The following PRDM10 variants were observed in gnomAD, a reference collection of about 807,000 sequenced individuals.
The protein encoded by PRDM10 is PR domain zinc finger protein 10.
PRDM10 carries 65 observed loss-of-function variants against 133.1 expected under a neutral mutation model. The observed-to-expected ratio is 0.49, with a 90% CI of 0.40 to 0.60. The LOEUF (loss-of-function observed/expected upper bound fraction) is 0.60, where lower values mean the gene tolerates loss of function less well. PRDM10 is among the 20% of genes least tolerant of loss of function. The pLI is 0.00. For missense variants in PRDM10, 1,137 were observed against 1,507.1 expected, an observed-to-expected ratio of 0.75 and a Z score of 4.07; for synonymous variants, 582 against 580.4, an observed-to-expected ratio of 1.00 and a Z score of -0.04.
chr11:129,947,240 T>G lies in PRDM10; in HGVS notation c.425A>C (p.Glu142Ala). 6.2e-7 allele frequency: 1 copy of G among 1,614,152 alleles called. No homozygotes were observed. Among genetic ancestry groups the G allele is most frequent in the Non-Finnish European group, 8.5e-7 (1 of 1,180,018 alleles). ...AKEEEDEDED[E>A]DTEEDEEEDG... ...TTCTTCCTCATCTTCCTCAGTGTCC[T>G]CGTCCTCATCCTCATCCTCTTCCTC... The change falls in exon 5 of 21, where the codon GAG becomes GCG. Residue 142 changes from glutamate to alanine, a missense_variant. Glu to Ala is a moderately radical substitution (Grantham distance 107, BLOSUM62 -1). Coordinates refer to ENST00000360871, the MANE Select transcript of PRDM10 (RefSeq NM_199437.2). The surrounding 1 kb of genome is among the most constrained non-coding windows in gnomAD (Gnocchi z 4.6).
chr11:129,970,416 C>T (rs1951994261), intron 1 of PRDM10, among the ~76,000 whole-genome samples: 1 of 149,850 alleles, frequency 6.7e-6, no homozygotes, highest in African/African-American at 2.5e-5. Context: ...GGCACGAGGC[C>T]GCCTAGCCCA....
At chr11:129,977,716 A>G (rs1937864629) in intron 1 of PRDM10, among the ~76,000 whole-genome samples, 2 of 152,220 alleles carry the variant, frequency 1.3e-5, no homozygotes, top group Admixed American at 1.3e-4. Context: ...CCACTTTGGG[A>G]GCATGAGGAG....
At chr11:129,976,691 C>T (rs191941986) in intron 1 of PRDM10, among the ~76,000 whole-genome samples, 3 of 152,040 alleles carry the variant, frequency 2.0e-5, no homozygotes, top group Non-Finnish European at 2.9e-5. Flanking sequence ...TTGGAAGGAA[C>T]GTAATAGAAG....
At chr11:129,915,545 T>TC in intron 16 of PRDM10, 115 bp downstream of exon 16, 1 of 1,138,430 alleles carries the variant, frequency 8.8e-7, no homozygotes. Context: ...TCTCTTTCAG[T>TC]CCCCCGTCAA....
intron 1 of PRDM10, among the ~76,000 whole-genome samples, chr11:129,974,390 A>G (rs1937641830): frequency 6.6e-6 from 1 of 152,202 alleles, no homozygotes; most frequent in Non-Finnish European, 1.5e-5. Flanking sequence ...GAAGAGAGCA[A>G]TAACATTTAG....
At chr11:129,922,486 C>G (rs532255451) in intron 13 of PRDM10, among the ~76,000 whole-genome samples, 33 of 152,278 alleles carry the variant, frequency 2.2e-4, no homozygotes, top group African/African-American at 7.0e-4. Context: ...ACCAGCTTTG[C>G]AAACTCTATT....
intron 7 of PRDM10, among the ~76,000 whole-genome samples, chr11:129,939,052 C>T (rs1365256988): frequency 2.6e-5 from 4 of 152,218 alleles, no homozygotes; most frequent in African/African-American, 7.2e-5. Flanking sequence ...AGTAGAGCCT[C>T]GTCAGCAGGG....
At chr11:129,929,358 G>T in intron 11 of PRDM10, 3 of 1,537,030 alleles carry the variant, frequency 2.0e-6, no homozygotes, top group Non-Finnish European at 2.6e-6. Context: ...AGAACAGCAG[G>T]TCAGGCAAAC....
chr11:129,994,465 C>CAAAAA (rs1187507792), intron 1 of PRDM10, among the ~76,000 whole-genome samples: 3 of 79,498 alleles, frequency 3.8e-5, no homozygotes, highest in Non-Finnish European at 4.8e-5. Flanking sequence ...AACTCTGCCT[C>CAAAAA]AAAAAAAAAA....
At chr11:129,935,569 T>G (rs889095057) in intron 8 of PRDM10, among the ~76,000 whole-genome samples, 1 of 152,160 alleles carries the variant, frequency 6.6e-6, no homozygotes, top group African/African-American at 2.4e-5. Context: ...GACCCAGGTT[T>G]CCTAATCTGA....
intron 6 of PRDM10, among the ~76,000 whole-genome samples, chr11:129,944,453 C>T (rs543310099): frequency 3.0e-4 from 45 of 152,086 alleles, no homozygotes; most frequent in East Asian, 2.3e-3. Flanking sequence ...GGCGTGGTGG[C>T]GGGCGCCTGT....
intron 1 of PRDM10, among the ~76,000 whole-genome samples, chr11:129,986,647 C>T (rs1938454722): frequency 6.6e-6 from 1 of 152,138 alleles, no homozygotes. Flanking sequence ...CCTAGGTCTC[C>T]CAAAGTGCGT....
chr11:129,985,795 A>ATATATATATAT (rs1938382905), intron 1 of PRDM10, among the ~76,000 whole-genome samples: 1 of 121,920 alleles, frequency 8.2e-6, no homozygotes, highest in African/African-American at 3.9e-5. Context: ...AAAAAAAAAA[A>ATATATATATAT]AAAAAAAAAA....
chr11:129,971,537 T>G (rs1411623870), intron 1 of PRDM10, among the ~76,000 whole-genome samples: 1 of 152,022 alleles, frequency 6.6e-6, no homozygotes, highest in Admixed American at 6.6e-5. Context: ...CTGATTGGTG[T>G]GTTTACAAAC....
chr11:129,980,531 T>G (rs972391044), intron 1 of PRDM10, among the ~76,000 whole-genome samples: 1 of 152,112 alleles, frequency 6.6e-6, no homozygotes, highest in South Asian at 2.1e-4. Flanking sequence ...CCCAACCCCT[T>G]GTCCATGGAA....
At chr11:129,995,774 C>T (rs777534716) in intron 1 of PRDM10, among the ~76,000 whole-genome samples, 3 of 152,032 alleles carry the variant, frequency 2.0e-5, no homozygotes, top group Admixed American at 6.6e-5. Flanking sequence ...GATGAAACCC[C>T]GTCTCTACTA....
chr11:129,990,549 A>AATTG (rs1308947229), intron 1 of PRDM10, among the ~76,000 whole-genome samples: 1 of 150,866 alleles, frequency 6.6e-6, no homozygotes, highest in African/African-American at 2.4e-5. Context: ...AAAAAAAGCA[A>AATTG]ATTGATACCA....
chr11:129,947,179 T>A lies in PRDM10; in HGVS notation c.486A>T (p.Pro162=), dbSNP rs1951444042. The part of the protein sequence containing the change: ...GEDTDLDDWE[P]DPPRPFDPHD... ...GTGGGTCGAAGGGCCGGGGCGGGTC[T>A]GGCTCCCAGTCATCCAGATCCGTGT... The change falls in exon 5 of 21, where the codon CCA becomes CCT. Residue 162 remains proline, a synonymous_variant. Transcript: ENST00000360871. This position sits in a 1 kb window ranked among gnomAD's most constrained non-coding sequence, Gnocchi z 4.6. 1 of 1,614,040 alleles carries A rather than the reference T, an allele frequency of 6.2e-7. No individual in the cohort carries two copies. The highest frequency in any genetic ancestry group is 1.3e-5 in the African/African-American group (1 of 74,928).
intron 20 of PRDM10, 55 bp downstream of exon 20, chr11:129,905,583 A>G: frequency 7.8e-7 from 1 of 1,278,738 alleles, no homozygotes; most frequent in Non-Finnish European, 1.1e-6. Flanking sequence ...GATAAGAGTT[A>G]CTATACAGCA....
Sources: allele counts gnomAD v4.1 joint callset (sites outside exome capture counted in the v4.1 genomes callset), GRCh38; gene constraint gnomAD v4.1.1; non-coding constraint Gnocchi (gnomAD v3.1); transcripts MANE v1.5; gene names NCBI Gene and HGNC (gene_info 2026-07-23, HGNC 2026-07-21).